FNDC3B: variants seen among roughly 807,000 people sequenced by gnomAD.
The protein encoded by FNDC3B is fibronectin type III domain containing 3B.
In FNDC3B, 12 loss-of-function variants were observed where a neutral mutation model predicts 151.5. The observed-to-expected ratio is 0.08, with a 90% CI of 0.05 to 0.13. The LOEUF is 0.13. FNDC3B is among the 10% of genes least tolerant of loss of function. The pLI is 1.00. For missense variants in FNDC3B, 1,214 were observed against 1,505.3 expected, an observed-to-expected ratio of 0.81 and a Z score of 3.20; for synonymous variants, 528 against 549.0, an observed-to-expected ratio of 0.96 and a Z score of 0.54.
intron 11 of FNDC3B, among the ~76,000 whole-genome samples, chr3:172,323,780 G>C (rs1468214595): frequency 6.6e-6 from 1 of 152,080 alleles, no homozygotes; most frequent in Non-Finnish European, 1.5e-5. Flanking sequence ...AATTTAGCAG[G>C]ACCCTGTAGG....
At chr3:172,296,520 A>ACTCTTG (rs1183737594) in intron 8 of FNDC3B, among the ~76,000 whole-genome samples, 1 of 151,740 alleles carries the variant, frequency 6.6e-6, no homozygotes, top group Non-Finnish European at 1.5e-5. Flanking sequence ...TCCACCCCCG[A>ACTCTTG]CTCTTGCTCT....
At chr3:172,387,554 A>G (rs1179540883) in intron 25 of FNDC3B, among the ~76,000 whole-genome samples, 1 of 152,232 alleles carries the variant, frequency 6.6e-6, no homozygotes. Context: ...AGACCTCTTT[A>G]AAAACCATCG....
intron 3 of FNDC3B, among the ~76,000 whole-genome samples, chr3:172,194,678 T>C (rs559618232): frequency 2.0e-5 from 3 of 152,354 alleles, no homozygotes; most frequent in Non-Finnish European, 4.4e-5. Context: ...TTTATAAATA[T>C]CTACTCATCT....
At chr3:172,049,449 T>TAGC (rs1244275914) in intron 1 of FNDC3B, among the ~76,000 whole-genome samples, 1 of 152,222 alleles carries the variant, frequency 6.6e-6, no homozygotes, top group Non-Finnish European at 1.5e-5. Flanking sequence ...CTATCCTGAA[T>TAGC]AGCACAGCGA....
At chr3:172,366,825 T>C (rs1734645326) in intron 23 of FNDC3B, among the ~76,000 whole-genome samples, 3 of 152,130 alleles carry the variant, frequency 2.0e-5, no homozygotes, top group Admixed American at 6.6e-5. Context: ...CTGGGGAGCA[T>C]TGGGATGGAG....
intron 16 of FNDC3B, among the ~76,000 whole-genome samples, chr3:172,339,309 A>G (rs938307898): frequency 3.3e-5 from 5 of 151,762 alleles, no homozygotes; most frequent in African/African-American, 1.2e-4. Context: ...CACACCTGTA[A>G]TCCCAGCACT....
chr3:172,070,978 G>A (rs1717748304), intron 1 of FNDC3B, among the ~76,000 whole-genome samples: 2 of 152,052 alleles, frequency 1.3e-5, no homozygotes, highest in Non-Finnish European at 2.9e-5. Context: ...AATTGGTCAG[G>A]ATTATGCAAT....
At chr3:172,267,296 T>G (rs1728976043) in intron 6 of FNDC3B, among the ~76,000 whole-genome samples, 1 of 151,996 alleles carries the variant, frequency 6.6e-6, no homozygotes, top group Non-Finnish European at 1.5e-5. Context: ...GCTGGGACTG[T>G]GGGCATGTGC....
chr3:172,196,340 C>A (rs914626249), intron 3 of FNDC3B, among the ~76,000 whole-genome samples: 4 of 151,884 alleles, frequency 2.6e-5, no homozygotes, highest in Non-Finnish European at 5.9e-5. Flanking sequence ...AGGTGCCTAC[C>A]ACCATGCCCA....
rs765389545 is a variant in FNDC3B, at chr3:172,226,859, C to T, written c.188-12C>T. ...TTTCTTCAGCTATTAACATCTGACT[C>T]GTCTGTTTTAGGACCTGCTGAAGTT... is the stretch of plus-strand genomic sequence containing the variant. On this transcript the variant is annotated splice_polypyrimidine_tract_variant and intron_variant, in intron 3 of 25. Transcript: ENST00000415807. The T allele has an allele frequency of 2.6e-6, 4 of 1,565,988 alleles. No individual in the cohort carries two copies. Among genetic ancestry groups the T allele is most frequent in the East Asian group, 2.2e-5 (1 of 44,648 alleles).
At chr3:172,179,858 CAAAAAAAAAAAA>C (rs60259015) in intron 3 of FNDC3B, among the ~76,000 whole-genome samples, 38 of 97,784 alleles carry the variant, frequency 3.9e-4, no homozygotes, top group East Asian at 4.1e-4. Context: ...GCCCTGTCTC[CAAAAAAAAAAAA>C]AAAAAAAAAA....
chr3:172,066,107 C>T (rs748811153), intron 1 of FNDC3B, among the ~76,000 whole-genome samples: 14 of 152,142 alleles, frequency 9.2e-5, no homozygotes, highest in Middle Eastern at 3.2e-3. Flanking sequence ...GTTGCGTTTG[C>T]TTGTCTGATA....
chr3:172,365,882 C>T (rs897410468), intron 23 of FNDC3B, among the ~76,000 whole-genome samples: 2 of 152,062 alleles, frequency 1.3e-5, no homozygotes, highest in Non-Finnish European at 2.9e-5. Context: ...AGAGTTGAGT[C>T]GATTTTAGCA....
chr3:172,355,772 G>A (rs1734066804), intron 22 of FNDC3B, among the ~76,000 whole-genome samples: 1 of 152,162 alleles, frequency 6.6e-6, no homozygotes, highest in Admixed American at 6.5e-5. Context: ...CATTTACACT[G>A]TCTTCATTAG....
At chr3:172,079,539 T>C (rs1363128137) in intron 1 of FNDC3B, among the ~76,000 whole-genome samples, 1 of 152,250 alleles carries the variant, frequency 6.6e-6, no homozygotes, top group African/African-American at 2.4e-5. Flanking sequence ...AACAGAGGTA[T>C]CTTGCAATGA....
chr3:172,368,773 G>A (rs1475036924), intron 23 of FNDC3B, among the ~76,000 whole-genome samples: 2 of 152,204 alleles, frequency 1.3e-5, no homozygotes, highest in African/African-American at 4.8e-5. Context: ...CACTTTGGAA[G>A]GCCGAGGCAG....
At chr3:172,335,123 T>TTC in intron 15 of FNDC3B, 41 bp downstream of exon 15, 1 of 1,512,694 alleles carries the variant, frequency 6.6e-7, no homozygotes, top group Non-Finnish European at 8.8e-7. Flanking sequence ...TTTTTTTTTT[T>TTC]CTTTTGATAG....
intron 6 of FNDC3B, among the ~76,000 whole-genome samples, chr3:172,252,666 C>T (rs749194359): frequency 3.9e-5 from 6 of 151,928 alleles, no homozygotes; most frequent in Non-Finnish European, 7.4e-5. Flanking sequence ...ATATCGCCGT[C>T]GGCATTTCCC....
At chr3:172,212,791 A>T (rs1196405296) in intron 3 of FNDC3B, among the ~76,000 whole-genome samples, 2 of 152,182 alleles carry the variant, frequency 1.3e-5, no homozygotes, top group Non-Finnish European at 2.9e-5. Context: ...TTTGGTTTTG[A>T]TGGGGATGGA....
Sources: allele counts gnomAD v4.1 joint callset (sites outside exome capture counted in the v4.1 genomes callset), GRCh38; gene constraint gnomAD v4.1.1; transcripts MANE v1.5; gene names NCBI Gene and HGNC (gene_info 2026-07-23, HGNC 2026-07-21).